Variants in SEC24D observed in about 807,000 individuals in gnomAD.
The protein encoded by SEC24D is protein transport protein Sec24D.
SEC24D carries 69 observed loss-of-function variants against 116.9 expected under a neutral mutation model. The observed-to-expected ratio is 0.59, with a 90% CI of 0.49 to 0.72. The LOEUF (loss-of-function observed/expected upper bound fraction) is 0.72. Ranked by LOEUF, SEC24D falls within the 30% of genes least tolerant of loss-of-function variation. The pLI, the probability that SEC24D is intolerant of heterozygous loss-of-function variation, is 0.00. For missense variants in SEC24D, 1,131 were observed against 1,264.1 expected (o/e 0.89, Z 1.60); for synonymous variants, 405 against 442.8 (o/e 0.91, Z 1.07).
intron 11 of SEC24D, among the ~76,000 whole-genome samples, chr4:118,756,836 A>G (rs1727121634): frequency 6.6e-6 from 1 of 152,104 alleles, no homozygotes; most frequent in South Asian, 2.1e-4. Flanking sequence ...CACGTTTGAT[A>G]TTAGTTTTAG....
Position 118,731,403 on chromosome 4 carries a change from C to T in SEC24D, c.2781G>A (p.Met927Ile). ...GGCTGCTTACTCCCAACCACAGGAA[C>T]ATGTGTAGACCATTAGCCAGTAAGA... is the stretch of plus-strand genomic sequence containing the variant. ...GIFLLANGLH[M>I]FLWLGVSSPP... The change falls in exon 21 of 23, where the codon ATG (methionine) becomes ATA (isoleucine). Residue 927 changes from methionine to isoleucine, a missense_variant. Coordinates refer to ENST00000280551, the MANE Select transcript of SEC24D (RefSeq NM_014822.4). 6.2e-7 allele frequency: 1 copy of T among 1,614,084 alleles called. No homozygotes were observed. Among genetic ancestry groups the T allele is most frequent in the Admixed American group, 1.7e-5 (1 of 60,026 alleles).
At chr4:118,763,781 G>A (rs1402679573) in intron 10 of SEC24D, among the ~76,000 whole-genome samples, 1 of 152,154 alleles carries the variant, frequency 6.6e-6, no homozygotes, top group Non-Finnish European at 1.5e-5. Context: ...GGCAGATAGT[G>A]TGGTAAATGT....
chr4:118,734,892 A>G (rs1320150230), intron 19 of SEC24D, among the ~76,000 whole-genome samples: 1 of 152,234 alleles, frequency 6.6e-6, no homozygotes, highest in Non-Finnish European at 1.5e-5. Flanking sequence ...AAACTATGAT[A>G]AAAAGATGCA....
rs1730101467 is a variant in SEC24D, at chr4:118,815,465, T to C, written c.659A>G (p.Tyr220Cys). 2 of 1,614,022 alleles carry C rather than the reference T, an allele frequency of 1.2e-6. No individual in the cohort carries two copies. Among genetic ancestry groups the C allele is most frequent in the Non-Finnish European group, 1.7e-6 (2 of 1,180,008 alleles). The change falls in exon 5 of 23, where the codon TAT becomes TGT. Residue 220 changes from tyrosine to cysteine, a missense_variant. Physicochemically the swap from Tyr to Cys is radical, Grantham distance 194 (BLOSUM62 -2). Transcript: ENST00000280551. ...GTCCGCCTTACCCTGCTGCGGAGGA[T>C]ATCCAGCACCCAAGGTCTGGCCTGG... ...PLPGQTLGAG[Y>C]PPQQANSGPQ...
chr4:118,814,022 A>AT (rs1323250534), intron 6 of SEC24D, among the ~76,000 whole-genome samples: 1 of 152,242 alleles, frequency 6.6e-6, no homozygotes, highest in African/African-American at 2.4e-5. Flanking sequence ...GTTACACAGC[A>AT]TAAGTTAGCT....
At chr4:118,825,905 G>C (rs995446342) in intron 2 of SEC24D, among the ~76,000 whole-genome samples, 3 of 151,990 alleles carry the variant, frequency 2.0e-5, no homozygotes, top group Non-Finnish European at 4.4e-5. Flanking sequence ...TATTCTCTCA[G>C]ATAGAAAGGA....
At chr4:118,747,423 C>T (rs1014987955) in intron 13 of SEC24D, among the ~76,000 whole-genome samples, 2 of 151,776 alleles carry the variant, frequency 1.3e-5, no homozygotes, top group African/African-American at 4.8e-5. Flanking sequence ...TGCGCCACCA[C>T]GCCCAGCTAT....
intron 8 of SEC24D, among the ~76,000 whole-genome samples, chr4:118,787,885 T>C (rs2110494020): frequency 6.6e-6 from 1 of 152,310 alleles, no homozygotes; most frequent in Non-Finnish European, 1.5e-5. Flanking sequence ...CTATGATAGC[T>C]CACTGCAGTC....
intron 6 of SEC24D, among the ~76,000 whole-genome samples, chr4:118,809,074 T>A (rs190527517): frequency 6.6e-6 from 1 of 151,672 alleles, no homozygotes; most frequent in Admixed American, 6.6e-5. Flanking sequence ...CCCAGGTTCA[T>A]GCCATTCTCC....
At chr4:118,812,420 A>G (rs1179522912) in intron 6 of SEC24D, among the ~76,000 whole-genome samples, 1 of 152,154 alleles carries the variant, frequency 6.6e-6, no homozygotes, top group Admixed American at 6.5e-5. Context: ...CTGGCCCGCC[A>G]TACCCCCATC....
At chr4:118,781,361 G>C (rs1728404835) in intron 8 of SEC24D, among the ~76,000 whole-genome samples, 1 of 152,088 alleles carries the variant, frequency 6.6e-6, no homozygotes, top group Non-Finnish European at 1.5e-5. Context: ...TAGTTTGGCT[G>C]GATATGAAAT....
intron 8 of SEC24D, among the ~76,000 whole-genome samples, chr4:118,787,967 TG>T (rs1380190784): frequency 1.3e-5 from 2 of 152,088 alleles, no homozygotes; most frequent in African/African-American, 4.8e-5. Flanking sequence ...CATGCATCAC[TG>T]TACTTGGCTA....
chr4:118,791,284 T>C (rs1246995008), intron 8 of SEC24D, among the ~76,000 whole-genome samples: 3 of 151,854 alleles, frequency 2.0e-5, no homozygotes, highest in Non-Finnish European at 4.4e-5. Flanking sequence ...GATATGTGAG[T>C]ATGGGACTGA....
chr4:118,787,845 G>T (rs541425114), intron 8 of SEC24D, among the ~76,000 whole-genome samples: 1 of 152,166 alleles, frequency 6.6e-6, no homozygotes, highest in African/African-American at 2.4e-5. Flanking sequence ...TAAAGTCGAG[G>T]TCTCACTCTG....
At chr4:118,814,716 T>C (rs550593494) in intron 6 of SEC24D, among the ~76,000 whole-genome samples, 2 of 152,258 alleles carry the variant, frequency 1.3e-5, no homozygotes, top group African/African-American at 4.8e-5. Flanking sequence ...TGTTAATTAC[T>C]CATTAGATAG....
At chr4:118,796,296 G>C (rs759199836) in intron 8 of SEC24D, among the ~76,000 whole-genome samples, 1 of 152,084 alleles carries the variant, frequency 6.6e-6, no homozygotes, top group Non-Finnish European at 1.5e-5. Flanking sequence ...AATACATATT[G>C]GTCTACCTCA....
In SEC24D at chr4:118,782,708, T is replaced by C. The variant is rs569665781; in HGVS notation, c.1042-14397A>G. Among the ~76,000 whole-genome samples, 188 of 152,320 alleles carry C rather than the reference T, an allele frequency of 1.2e-3. 2 individuals carry two copies. The highest frequency in any genetic ancestry group is 1.5e-3 in the Non-Finnish European group (105 of 68,020). ...TTCAGCTATGCCCTGGACCCAGAGG[T>C]GGAGTCAACAGAGGCAGCAGGCCTT... On this transcript the variant is annotated intron_variant, in intron 8 of 22. Transcript: ENST00000280551.
chr4:118,807,710 C>T (rs1729734545), intron 6 of SEC24D, among the ~76,000 whole-genome samples: 1 of 152,182 alleles, frequency 6.6e-6, no homozygotes, highest in Non-Finnish European at 1.5e-5. Context: ...CCAGCTGGTA[C>T]TGACAACACT....
At chr4:118,823,269 A>G (rs1346525971) in intron 3 of SEC24D, among the ~76,000 whole-genome samples, 1 of 152,190 alleles carries the variant, frequency 6.6e-6, no homozygotes, top group Non-Finnish European at 1.5e-5. Context: ...TGCATCCCAT[A>G]GCTACCATTT....
Sources: allele counts gnomAD v4.1 joint callset (sites outside exome capture counted in the v4.1 genomes callset), GRCh38; gene constraint gnomAD v4.1.1; transcripts MANE v1.5; gene names NCBI Gene and HGNC (gene_info 2026-07-23, HGNC 2026-07-21).